Variants in SORCS3 observed in about 807,000 individuals in gnomAD.
SORCS3 encodes VPS10 domain-containing receptor SorCS3.
Under a neutral mutation model 146.3 loss-of-function variants are expected in SORCS3, and 57 were observed. The observed-to-expected ratio is 0.39, with a 90% CI of 0.31 to 0.49. SORCS3 has a LOEUF of 0.49. SORCS3 is among the 20% of genes least tolerant of loss of function. The probability of loss-of-function intolerance (pLI) is 0.92; values close to 1 mark genes in which losing one functional copy is unlikely to be tolerated. For missense variants in SORCS3, 1,341 were observed against 1,575.5 expected, an observed-to-expected ratio of 0.85 and a Z score of 2.52; for synonymous variants, 653 against 618.5, an observed-to-expected ratio of 1.06 and a Z score of -0.83.
chr10:104,763,518 T>C (rs2017145116), intron 1 of SORCS3, among the ~76,000 whole-genome samples: 1 of 152,134 alleles, frequency 6.6e-6, no homozygotes, highest in East Asian at 1.9e-4. Flanking sequence ...CAAAGTAGAG[T>C]TTATTCATTC....
At chr10:104,658,701 A>G (rs897746175) in intron 1 of SORCS3, among the ~76,000 whole-genome samples, 1 of 152,152 alleles carries the variant, frequency 6.6e-6, no homozygotes, top group Non-Finnish European at 1.5e-5. Context: ...CTTAGTGTCT[A>G]TTATGTGCTC....
chr10:105,109,860 A>G (rs1435651831), intron 7 of SORCS3, among the ~76,000 whole-genome samples: 4 of 152,096 alleles, frequency 2.6e-5, no homozygotes, highest in Non-Finnish European at 5.9e-5. Flanking sequence ...GTGGTTGGCC[A>G]TAATGTACTG....
chr10:104,856,025 A>G (rs1589524936), intron 2 of SORCS3, among the ~76,000 whole-genome samples: 1 of 152,174 alleles, frequency 6.6e-6, no homozygotes, highest in Non-Finnish European at 1.5e-5. Context: ...GGCATGAGCC[A>G]CCATGCCCAG....
At chr10:104,731,134 T>C (rs1275516726) in intron 1 of SORCS3, among the ~76,000 whole-genome samples, 2 of 152,196 alleles carry the variant, frequency 1.3e-5, no homozygotes, top group Non-Finnish European at 1.5e-5. Flanking sequence ...TTGTCTGGTG[T>C]CTCCGCTGAG....
intron 2 of SORCS3, among the ~76,000 whole-genome samples, chr10:104,911,989 C>A (rs991784944): frequency 1.3e-5 from 2 of 152,198 alleles, no homozygotes; most frequent in African/African-American, 4.8e-5. Context: ...AGCAATTTTT[C>A]ATCCACTGAC....
At position 105,211,195 on chromosome 10, in the gene SORCS3, C is replaced by A. The variant is rs2056631547; in HGVS notation, c.2320C>A (p.Pro774Thr). Residue 774 changes from proline (P) to threonine (T), a missense_variant, in exon 17 of 27, where the codon CCA becomes ACA. Transcript: ENST00000369701. ...SQCVPAFWYN[P>T]ASPSKDCSLG... ...GTGTGTCCCAGCTTTCTGGTACAAT[C>A]CAGCATCCCCATCAAAGGACTGCAG... The A allele has an allele frequency of 1.9e-6, 3 of 1,614,046 alleles. No homozygotes were observed. Among genetic ancestry groups the A allele is most frequent in the Non-Finnish European group, 2.5e-6 (3 of 1,179,952 alleles).
chr10:105,001,766 T>G (rs2055063200), intron 4 of SORCS3, among the ~76,000 whole-genome samples: 1 of 152,198 alleles, frequency 6.6e-6, no homozygotes, highest in Non-Finnish European at 1.5e-5. Flanking sequence ...CATTCTTTCA[T>G]GAACACAGAC....
Position 105,264,786 on chromosome 10 carries a change from A to G in SORCS3, c.*1412A>G, listed in dbSNP as rs188240530. ...CCCCTTCACACATTTACACATACCA[A>G]TTTTTTTCAATAGGGTCACGTTAAG... is the stretch of plus-strand genomic sequence containing the variant. On this transcript the variant is annotated 3_prime_UTR_variant, in exon 27 of 27. Transcript: ENST00000369701. 24 of 152,540 alleles carry G rather than the reference A, an allele frequency of 1.6e-4. No individual in the cohort carries two copies. The highest frequency in any genetic ancestry group is 2.5e-4 in the Non-Finnish European group (17 of 68,010). The allele number at this position is 152,540 out of a possible 1,614,324, so 9.4% of individuals were successfully genotyped here. A position where few individuals can be genotyped will look rare whatever the true frequency, so the allele number is the denominator to read the frequency against.
At chr10:104,720,064 G>T (rs1405566547) in intron 1 of SORCS3, among the ~76,000 whole-genome samples, 1 of 151,826 alleles carries the variant, frequency 6.6e-6, no homozygotes, top group East Asian at 1.9e-4. Context: ...CCATGTTGGT[G>T]TGCTGCACCT....
At chr10:105,224,271 C>T (rs908513416) in intron 20 of SORCS3, among the ~76,000 whole-genome samples, 3 of 152,176 alleles carry the variant, frequency 2.0e-5, no homozygotes, top group Admixed American at 2.0e-4. Flanking sequence ...CCTTGGCAAC[C>T]ACTGATATTT....
chr10:104,701,648 T>G (rs2016280348), intron 1 of SORCS3, among the ~76,000 whole-genome samples: 1 of 152,190 alleles, frequency 6.6e-6, no homozygotes, highest in Non-Finnish European at 1.5e-5. Flanking sequence ...CAAAATAGAA[T>G]GAAAAAACTT....
intron 7 of SORCS3, among the ~76,000 whole-genome samples, chr10:105,131,715 G>C (rs955650573): frequency 2.2e-4 from 34 of 152,134 alleles, no homozygotes; most frequent in African/African-American, 8.0e-4. Context: ...GAGACCTCAG[G>C]AAACTTACAA....
chr10:105,246,796 C>T (rs1032460744), intron 21 of SORCS3, among the ~76,000 whole-genome samples: 27 of 152,188 alleles, frequency 1.8e-4, no homozygotes, highest in Admixed American at 1.8e-3. Flanking sequence ...ATTTTCTAAT[C>T]CTCAGAGGCA....
At chr10:105,015,370 C>T (rs1234911402) in intron 4 of SORCS3, among the ~76,000 whole-genome samples, 1 of 152,074 alleles carries the variant, frequency 6.6e-6, no homozygotes, top group Admixed American at 6.5e-5. Context: ...AACTCAAATG[C>T]CCATAGATCG....
chr10:104,789,334 G>A (rs1220564209), intron 1 of SORCS3, among the ~76,000 whole-genome samples: 1 of 152,196 alleles, frequency 6.6e-6, no homozygotes, highest in Non-Finnish European at 1.5e-5. Flanking sequence ...TTGGTGCTGG[G>A]AGTCTATGGG....
At chr10:105,021,504 C>T (rs2055197283) in intron 4 of SORCS3, among the ~76,000 whole-genome samples, 1 of 152,154 alleles carries the variant, frequency 6.6e-6, no homozygotes, top group African/African-American at 2.4e-5. Flanking sequence ...GAATGTATAT[C>T]TTTTCTTTGC....
intron 5 of SORCS3, among the ~76,000 whole-genome samples, chr10:105,087,030 T>C (rs928383587): frequency 3.3e-5 from 5 of 152,214 alleles, no homozygotes; most frequent in Non-Finnish European, 7.3e-5. Context: ...TGGTATTGCT[T>C]AGACTTTCTT....
chr10:104,857,940 C>T (rs1018950230), intron 2 of SORCS3, among the ~76,000 whole-genome samples: 16 of 152,140 alleles, frequency 1.1e-4, no homozygotes, highest in African/African-American at 1.4e-4. Context: ...ACAATGCAAA[C>T]GGAAGAATTT....
At chr10:104,940,823 T>G (rs2019313368) in intron 3 of SORCS3, among the ~76,000 whole-genome samples, 1 of 152,128 alleles carries the variant, frequency 6.6e-6, no homozygotes, top group Non-Finnish European at 1.5e-5. Flanking sequence ...CAAGGTAATT[T>G]ATAGATTCAA....
Sources: allele counts gnomAD v4.1 joint callset (sites outside exome capture counted in the v4.1 genomes callset), GRCh38; gene constraint gnomAD v4.1.1; transcripts MANE v1.5; gene names NCBI Gene and HGNC (gene_info 2026-07-23, HGNC 2026-07-21).